NOL11: variants seen among roughly 807,000 people sequenced by gnomAD.
The protein encoded by NOL11 is nucleolar protein 11.
Under a neutral mutation model 93.0 loss-of-function variants are expected in NOL11, and 42 were observed. The observed-to-expected ratio is 0.45, with a 90% confidence interval of 0.35 to 0.58. The LOEUF is 0.58. Among genes scored for constraint, NOL11 ranks in the 20% least tolerant of loss-of-function variants. NOL11 has a pLI of 0.00. For missense variants in NOL11, 775 were observed against 841.8 expected (o/e 0.92, Z 0.98); for synonymous variants, 296 against 293.7 (o/e 1.01, Z -0.08).
rs1297356879 is a variant in NOL11, at chr17:67,719,660, C to G, written c.142-14C>G. On this transcript the variant is annotated splice_polypyrimidine_tract_variant and intron_variant, in intron 1 of 17. Coordinates refer to ENST00000253247, the MANE Select transcript of NOL11 (RefSeq NM_015462.5). Reference sequence around the variant, plus strand: ...TTGACTTCTTGAATATTGTATTTATCTTAATTTCATTAGGTTTCTGATCAG... The same window carrying G: ...TTGACTTCTTGAATATTGTATTTATGTTAATTTCATTAGGTTTCTGATCAG... 46 of 1,324,876 alleles carry G rather than the reference C, an allele frequency of 3.5e-5. No homozygotes were observed. The highest frequency in any genetic ancestry group is 4.9e-5 in the Non-Finnish European group (46 of 930,400). 82.1% of individuals were successfully genotyped at this position (1,324,876 alleles called of 1,614,324 possible).
Position 67,722,626 on chromosome 17 carries a change from A to G in NOL11, c.508A>G (p.Ile170Val). Residue 170 changes from isoleucine to valine, a missense_variant, in exon 5 of 18, where the codon ATT becomes GTT. Ile to Val is a conservative substitution (Grantham distance 29). Coordinates refer to ENST00000253247, the MANE Select transcript of NOL11 (RefSeq NM_015462.5). ...VVFRHPVLIF[I>V]TEKHGNYFAY... The stretch of plus-strand genomic sequence containing the variant: ...ATTCAGACATCCTGTTTTAATTTTT[A>G]TTACTGAAAAAGTAAGTGATATCTT... The G allele has an allele frequency of 1.3e-6, 2 of 1,568,438 alleles. No homozygotes were observed. The highest frequency in any genetic ancestry group is 1.7e-6 in the Non-Finnish European group (2 of 1,166,478).
intron 16 of NOL11, chr17:67,740,849 C>A (rs535453494): frequency 6.5e-5 from 10 of 154,396 alleles, no homozygotes; most frequent in Middle Eastern, 5.2e-4. Context: ...GTTATTCTAA[C>A]GAAGGATTTT....
chr17:67,718,822 C>G (rs1044801535), intron 1 of NOL11, among the ~76,000 whole-genome samples: 6 of 152,198 alleles, frequency 3.9e-5, no homozygotes, highest in African/African-American at 1.2e-4. Flanking sequence ...TTGCTAACAG[C>G]TCCCTGTGCC....
At chr17:67,726,113 C>T (rs958183265) in intron 6 of NOL11, among the ~76,000 whole-genome samples, 5 of 152,118 alleles carry the variant, frequency 3.3e-5, no homozygotes, top group African/African-American at 4.8e-5. Context: ...AGAAAGGTAA[C>T]GTATAGACCA....
chr17:67,732,242 G>A (rs945445235), intron 7 of NOL11, among the ~76,000 whole-genome samples: 1 of 152,064 alleles, frequency 6.6e-6, no homozygotes, highest in Non-Finnish European at 1.5e-5. Context: ...AGCACTTTGG[G>A]AGGCCAAGGT....
At chr17:67,735,827 T>TCATTGGG in intron 8 of NOL11, 73 bp from the exon 9 acceptor site, 1 of 1,233,808 alleles carries the variant, frequency 8.1e-7, no homozygotes, top group African/African-American at 1.5e-5. Context: ...ATACAGTGAG[T>TCATTGGG]GATAAGGCTT....
At position 67,721,424 on chromosome 17, in the gene NOL11, C is replaced by T. The variant is rs745943352; in HGVS notation, c.359C>T (p.Pro120Leu). The T allele has an allele frequency of 3.1e-6, 5 of 1,613,446 alleles. No individual in the cohort carries two copies. The South Asian group carries it at 5.5e-5, about 18-fold the overall frequency. Residue 120 changes from proline (P) to leucine (L), a missense_variant, in exon 4 of 18, where the codon CCC becomes CTC. Pro to Leu is a moderately conservative substitution (Grantham distance 98, BLOSUM62 -3). Coordinates refer to ENST00000253247, the MANE Select transcript of NOL11 (RefSeq NM_015462.5). Reference protein sequence around the residue: ...YRILSVQGTEPLVLFKEGAVR... With the variant: ...YRILSVQGTELLVLFKEGAVR... The stretch of plus-strand genomic sequence containing the variant: ...ATACTTTCAGTGCAAGGGACAGAAC[C>T]CTTGGTGCTCTTCAAGGAAGGTGCT...
intron 2 of NOL11, 36 bp downstream of exon 2, chr17:67,719,823 T>C: frequency 1.3e-5 from 19 of 1,458,588 alleles, no homozygotes; most frequent in East Asian, 2.4e-5. Context: ...ATATACAATA[T>C]AAATGTTGAT....
chr17:67,722,402 AT>A (rs2043223708), intron 4 of NOL11, among the ~76,000 whole-genome samples, 177 bp from the exon 5 acceptor site: 1 of 152,200 alleles, frequency 6.6e-6, no homozygotes, highest in African/African-American at 2.4e-5. Flanking sequence ...CCAGAGCTGC[AT>A]TTGACAAATG....
At chr17:67,719,645 G>T in intron 1 of NOL11, 29 bp from the exon 2 acceptor site, 1 of 1,132,222 alleles carries the variant, frequency 8.8e-7, no homozygotes, top group South Asian at 1.3e-5. Context: ...TTGACTTCTT[G>T]AATATTGTAT....
intron 4 of NOL11, 136 bp from the exon 5 acceptor site, chr17:67,722,441 ACGC>A: frequency 7.5e-7 from 1 of 1,328,888 alleles, no homozygotes; most frequent in Non-Finnish European, 9.9e-7. Flanking sequence ...ATGTTTCAAA[ACGC>A]CCAATTAAGT....
At chr17:67,720,734 C>T (rs1250253843) in intron 3 of NOL11, among the ~76,000 whole-genome samples, 1 of 152,148 alleles carries the variant, frequency 6.6e-6, no homozygotes, top group East Asian at 1.9e-4. Context: ...GGATCTTAAA[C>T]TAGGTTAATC....
chr17:67,718,267 G>A (rs2043191133), intron 1 of NOL11, among the ~76,000 whole-genome samples, 179 bp downstream of exon 1: 1 of 152,198 alleles, frequency 6.6e-6, no homozygotes, highest in Non-Finnish European at 1.5e-5. Flanking sequence ...TTGCCTTCCT[G>A]TAAAGGCATA....
At chr17:67,738,902 G>T (rs769494904) in intron 14 of NOL11, 30 bp from the exon 15 acceptor site, 2 of 1,406,070 alleles carry the variant, frequency 1.4e-6, no homozygotes, top group Non-Finnish European at 2.0e-6. Context: ...GCTTCTATTT[G>T]TTGAAGTACG....
At chr17:67,730,033 C>A (rs1420268891) in intron 7 of NOL11, among the ~76,000 whole-genome samples, 1 of 152,170 alleles carries the variant, frequency 6.6e-6, no homozygotes, top group Admixed American at 6.5e-5. Flanking sequence ...AGCCACCACG[C>A]CTGGCTAGCC....
chr17:67,733,206 A>G (rs2055170866), intron 7 of NOL11, among the ~76,000 whole-genome samples: 1 of 151,610 alleles, frequency 6.6e-6, no homozygotes, highest in African/African-American at 2.4e-5. Flanking sequence ...CTCTACTAAA[A>G]TTACAAAAAT....
At chr17:67,725,137 T>C (rs6504523) in intron 6 of NOL11, among the ~76,000 whole-genome samples, 123,581 of 152,204 alleles carry the variant, frequency 0.81, 50,593 homozygotes, top group Middle Eastern at 0.87. Flanking sequence ...GAGAAATCAC[T>C]TTTTAGCTGA....
intron 16 of NOL11, among the ~76,000 whole-genome samples, chr17:67,741,043 C>A (rs2055251807): frequency 6.6e-6 from 1 of 152,100 alleles, no homozygotes. Context: ...ACTGCTGGTA[C>A]ATGCCACCAC....
At chr17:67,730,887 C>G (rs1168756181) in intron 7 of NOL11, among the ~76,000 whole-genome samples, 1 of 152,222 alleles carries the variant, frequency 6.6e-6, no homozygotes, top group Admixed American at 6.5e-5. Flanking sequence ...TTCCCACCGG[C>G]ATTGTACAGT....
Sources: allele counts gnomAD v4.1 joint callset (sites outside exome capture counted in the v4.1 genomes callset), GRCh38; gene constraint gnomAD v4.1.1; transcripts MANE v1.5; gene names NCBI Gene and HGNC (gene_info 2026-07-23, HGNC 2026-07-21).